Variants in RAD51B observed in about 807,000 individuals in gnomAD.
The protein encoded by RAD51B is DNA repair protein RAD51 homolog 2.
In RAD51B, 38 loss-of-function variants were observed where a neutral mutation model predicts 42.2. The ratio of observed to expected loss-of-function variants is 0.90; its 90% CI spans 0.70 to 1.18. RAD51B has a LOEUF of 1.18. Ranked by LOEUF, RAD51B falls within the 50% of genes most tolerant of loss-of-function variation. The pLI is 0.00. For missense variants in RAD51B, 373 were observed against 400.7 expected, an observed-to-expected ratio of 0.93 and a Z score of 0.59; for synonymous variants, 154 against 145.2, an observed-to-expected ratio of 1.06 and a Z score of -0.43.
chr14:68,227,493 A>G (rs1217386568), intron 7 of RAD51B, among the ~76,000 whole-genome samples: 1 of 152,246 alleles, frequency 6.6e-6, no homozygotes, highest in Non-Finnish European at 1.5e-5. Context: ...AGAATTAAAT[A>G]AAACAATTCC....
At chr14:67,928,104 A>G (rs1393814047) in intron 7 of RAD51B, among the ~76,000 whole-genome samples, 1 of 152,106 alleles carries the variant, frequency 6.6e-6, no homozygotes, top group Non-Finnish European at 1.5e-5. Context: ...ATTTGGTAGA[A>G]TTCAGCAGTG....
chr14:68,021,259 G>A (rs1344022578), intron 7 of RAD51B, among the ~76,000 whole-genome samples: 3 of 152,170 alleles, frequency 2.0e-5, no homozygotes, highest in African/African-American at 7.2e-5. Flanking sequence ...GGGATAAAGG[G>A]AGAACATTGC....
At chr14:68,530,446 C>CAAAAAAAAAAAAAAAATAA in intron 10 of RAD51B, among the ~76,000 whole-genome samples, 1 of 67,844 alleles carries the variant, frequency 1.5e-5, no homozygotes, top group Non-Finnish European at 2.8e-5. Context: ...GACCCTGTCT[C>CAAAAAAAAAAAAAAAATAA]AAAAAAAAAA....
intron 7 of RAD51B, among the ~76,000 whole-genome samples, chr14:68,113,115 G>A (rs1437999435): frequency 6.6e-6 from 1 of 151,932 alleles, no homozygotes; most frequent in Non-Finnish European, 1.5e-5. Flanking sequence ...ATTCTTACTA[G>A]AATTTACATC....
At chr14:68,108,345 TAGTC>T (rs2077408056) in intron 7 of RAD51B, among the ~76,000 whole-genome samples, 3 of 152,090 alleles carry the variant, frequency 2.0e-5, no homozygotes, top group South Asian at 4.1e-4. Context: ...TTATTCATAA[TAGTC>T]AGAAAGTGGA....
chr14:67,932,640 C>T (rs764724007), intron 7 of RAD51B, among the ~76,000 whole-genome samples: 1 of 152,102 alleles, frequency 6.6e-6, no homozygotes, highest in Non-Finnish European at 1.5e-5. Flanking sequence ...GTAGTGGCAG[C>T]AGCAGTGAGG....
intron 10 of RAD51B, among the ~76,000 whole-genome samples, chr14:68,649,498 C>A (rs997544203): frequency 5.9e-5 from 9 of 152,244 alleles, no homozygotes; most frequent in Non-Finnish European, 1.0e-4. Context: ...CCATACCTTG[C>A]ATGACTTTTC....
intron 8 of RAD51B, among the ~76,000 whole-genome samples, chr14:68,298,091 C>A (rs564253685): frequency 6.6e-6 from 1 of 152,140 alleles, no homozygotes; most frequent in East Asian, 1.9e-4. Context: ...TGTCTTCCAG[C>A]AGCTGTTCAG....
In RAD51B at chr14:68,315,769, G is replaced by T. The variant is rs186463036; in HGVS notation, c.853+23789G>T. ...CATCTCCTGACCTCATGATCTGCCC[G>T]CCTTGGCCTCCCAAAGTGCTGGGAT... On this transcript the variant is annotated intron_variant, in intron 8 of 10. Transcript: ENST00000471583. Among the ~76,000 whole-genome samples, 99 of 152,198 alleles carry T rather than the reference G, an allele frequency of 6.5e-4. 5 individuals are homozygous for T. The highest frequency in any genetic ancestry group is 1.5e-4 in the Non-Finnish European group (10 of 68,000).
chr14:67,832,109 T>C (rs2041073459), intron 3 of RAD51B, among the ~76,000 whole-genome samples: 1 of 152,250 alleles, frequency 6.6e-6, no homozygotes, highest in African/African-American at 2.4e-5. Flanking sequence ...GGGAATATTA[T>C]GTAGGCACTA....
intron 10 of RAD51B, among the ~76,000 whole-genome samples, chr14:68,492,894 G>A: frequency 6.6e-6 from 1 of 152,166 alleles, no homozygotes; most frequent in South Asian, 2.1e-4. Context: ...CATCTTGGAA[G>A]GGCCCAAGAT....
At chr14:67,859,303 C>T (rs1369572189) in intron 4 of RAD51B, among the ~76,000 whole-genome samples, 1 of 152,126 alleles carries the variant, frequency 6.6e-6, no homozygotes, top group East Asian at 1.9e-4. Context: ...AAGATTCCTG[C>T]AAAGAAACTA....
At chr14:68,477,504 C>A in intron 10 of RAD51B, 144 bp from the exon 11 acceptor site, 1 of 1,007,544 alleles carries the variant, frequency 9.9e-7, no homozygotes, top group Non-Finnish European at 1.4e-6. Flanking sequence ...CTCTGGTTTG[C>A]AAGGCCAGTG....
intron 8 of RAD51B, among the ~76,000 whole-genome samples, chr14:68,304,148 C>T (rs559194804): frequency 6.1e-4 from 89 of 146,170 alleles, no homozygotes; most frequent in Non-Finnish European, 9.8e-4. Context: ...CCAGCCTGGG[C>T]GAGAGAGCAA....
intron 7 of RAD51B, among the ~76,000 whole-genome samples, chr14:67,953,326 T>G (rs1430905311): frequency 3.9e-5 from 6 of 152,016 alleles, no homozygotes; most frequent in Non-Finnish European, 8.8e-5. Flanking sequence ...GAGGTGGAGA[T>G]GTAGGGGATA....
intron 7 of RAD51B, among the ~76,000 whole-genome samples, chr14:68,159,423 A>T (rs1336429605): frequency 2.0e-5 from 3 of 152,128 alleles, no homozygotes; most frequent in South Asian, 4.2e-4. Context: ...AGTTCGAGAC[A>T]AGCCTGACCA....
At chr14:68,343,294 GGTT>G (rs1566821427) in intron 8 of RAD51B, among the ~76,000 whole-genome samples, 1 of 152,092 alleles carries the variant, frequency 6.6e-6, no homozygotes, top group Non-Finnish European at 1.5e-5. Flanking sequence ...TCAATCCAAA[GGTT>G]GTCGCTTCAT....
chr14:67,910,236 G>A (rs73280500), intron 7 of RAD51B, among the ~76,000 whole-genome samples: 1,565 of 151,792 alleles, frequency 0.01, 26 homozygotes, highest in African/African-American at 0.037. Flanking sequence ...GTTTCAGAAA[G>A]GATGTTTACT....
chr14:68,351,088 G>T (rs1566826437), intron 8 of RAD51B, among the ~76,000 whole-genome samples: 1 of 152,192 alleles, frequency 6.6e-6, no homozygotes, highest in Non-Finnish European at 1.5e-5. Flanking sequence ...AGTGGCAGTG[G>T]TAGGATACAG....
Sources: gnomAD v4.1 joint callset for allele counts (sites outside exome capture counted in the v4.1 genomes callset) on GRCh38, gnomAD v4.1.1 for gene constraint, MANE v1.5 for transcripts, NCBI Gene and HGNC (gene_info 2026-07-23, HGNC 2026-07-21) for gene names.